Variants in COL6A3 observed in about 807,000 individuals in gnomAD.
COL6A3 encodes collagen type VI alpha 3 chain.
A neutral mutation model predicts 274.1 loss-of-function variants in COL6A3; 137 were observed. The observed-to-expected ratio is 0.50, with a 90% confidence interval of 0.44 to 0.58. The LOEUF is 0.58. Among genes scored for constraint, COL6A3 ranks in the 20% least tolerant of loss-of-function variants. The pLI is 0.00. For missense variants in COL6A3, 3,950 were observed against 4,124.9 expected, an observed-to-expected ratio of 0.96 and a Z score of 1.16; for synonymous variants, 1,650 against 1,650.6, an observed-to-expected ratio of 1.00 and a Z score of 0.01.
rs546417474 is a variant in COL6A3, at chr2:237,413,676, G to A, written c.-31+277C>T. On this transcript the variant is annotated intron_variant, in intron 1 of 43. Transcript: ENST00000295550. The surrounding 1 kb of genome is among the most constrained non-coding windows in gnomAD (Gnocchi z 4.0). ...CATGGGCCGAAACACACTGCCGCCC[G>A]GAATGCACAGGGCGCGTGTAGCAGC... Among the ~76,000 whole-genome samples, 12 of 152,182 alleles carry A rather than the reference G, an allele frequency of 7.9e-5. No homozygotes were observed. Among genetic ancestry groups the A allele is most frequent in the Non-Finnish European group, 1.2e-4 (8 of 68,038 alleles).
At chr2:237,352,488 G>A in intron 26 of COL6A3, 34 bp downstream of exon 26, 1 of 1,592,462 alleles carries the variant, frequency 6.3e-7, no homozygotes, top group Non-Finnish European at 8.6e-7. Flanking sequence ...CCTCTGTTCA[G>A]CTAGAGAGGG....
intron 38 of COL6A3, 98 bp downstream of exon 38, chr2:237,340,354 T>G (rs2076959148): frequency 4.4e-6 from 5 of 1,140,624 alleles, no homozygotes; most frequent in Non-Finnish European, 5.1e-6. Context: ...ACAGTTCCTG[T>G]CAACACATCG....
At chr2:237,405,595 C>T (rs1371930666) in intron 1 of COL6A3, among the ~76,000 whole-genome samples, 2 of 152,046 alleles carry the variant, frequency 1.3e-5, no homozygotes, top group South Asian at 4.1e-4. Flanking sequence ...CCCAACCATC[C>T]GATGGCTGAT....
At chr2:237,402,037 C>T (rs911678197) in intron 1 of COL6A3, among the ~76,000 whole-genome samples, 5 of 152,112 alleles carry the variant, frequency 3.3e-5, no homozygotes, top group African/African-American at 1.2e-4. Context: ...TATTATTCAG[C>T]TTTATAAAAG....
chr2:237,351,084 G>A, intron 27 of COL6A3, 46 bp downstream of exon 27: 2 of 1,585,250 alleles, frequency 1.3e-6, no homozygotes, highest in Non-Finnish European at 8.7e-7. Flanking sequence ...ATGTGTGCCT[G>A]GCTGGTCCCT....
intron 4 of COL6A3, 70 bp downstream of exon 4, chr2:237,387,512 C>T: frequency 6.2e-7 from 1 of 1,610,778 alleles, no homozygotes; most frequent in Non-Finnish European, 8.5e-7. Flanking sequence ...CTGGTACCCA[C>T]CTTACGTCTA....
chr2:237,350,237 C>A, intron 27 of COL6A3, 28 bp from the exon 28 acceptor site: 1 of 1,612,588 alleles, frequency 6.2e-7, no homozygotes, highest in East Asian at 2.2e-5. Context: ...GGCTGAGACC[C>A]TGTGGCCTGG....
rs762162177 is a variant in COL6A3 at position 237,379,067 on chromosome 2, G to A, written c.2066C>T (p.Thr689Met). 26 of 1,614,042 alleles carry A rather than the reference G, an allele frequency of 1.6e-5. No individual in the cohort carries two copies. Among genetic ancestry groups the A allele is most frequent in the Admixed American group, 1.5e-4 (9 of 60,010 alleles). Residue 689 changes from threonine to methionine, a missense_variant, in exon 6 of 44, where the codon ACG becomes ATG. Thr to Met is a moderately conservative substitution (Grantham distance 81, BLOSUM62 -1). Coordinates refer to ENST00000295550, the MANE Select transcript of COL6A3 (RefSeq NM_004369.4). ...CTGGTATGTGTTTAAAGAGAACTCC[G>A]TTACAGGAGTGTCACTAAATTGCAC... ...GLVQFSDTPV[T>M]EFSLNTYQTK...
In COL6A3 at chr2:237,381,980, T is replaced by C. The variant is rs150834645; in HGVS notation, c.1313-481A>G. ...TGCACATCCCTGTTCTCTTCAGTTC[T>C]ATATTCCCTGTCTTCATTTGACAGA... On this transcript the variant is annotated intron_variant, in intron 4 of 43. Transcript: ENST00000295550. Among the ~76,000 whole-genome samples the C allele has an allele frequency of 2.0e-3, 307 of 152,362 alleles. 1 individual carries two copies. Among genetic ancestry groups the C allele is most frequent in the African/African-American group, 7.1e-3 (294 of 41,592 alleles).
chr2:237,332,979 G>C, intron 42 of COL6A3: 1 of 247,326 alleles, frequency 4.0e-6, no homozygotes, highest in Non-Finnish European at 8.0e-6. Context: ...CACTAAGCTG[G>C]GGTGTGTGCT....
rs1700279058 is a variant in COL6A3, at chr2:237,332,098, T to TAAA, written c.9328+1351_9328+1352insTTT. 4.9e-5 allele frequency among the ~76,000 whole-genome samples: 2 copies of TAAA among 40,534 alleles called. 1 individual carries two copies. The highest frequency in any genetic ancestry group is 8.5e-5 in the Non-Finnish European group (2 of 23,474). The allele number at this position is 40,534 out of a possible 152,430, so 26.6% of individuals were successfully genotyped here. On this transcript the variant is annotated intron_variant, in intron 42 of 43. Transcript: ENST00000295550. ...ATATATATATATATATATATATATA[T>TAAA]ATATATATATATATATATATGAAAA...
chr2:237,409,927 T>C (rs1006955207), intron 1 of COL6A3, among the ~76,000 whole-genome samples: 1 of 152,208 alleles, frequency 6.6e-6, no homozygotes, highest in African/African-American at 2.4e-5. Context: ...CTGAATACCC[T>C]TGTAATGCAA....
Position 237,378,796 on chromosome 2 carries a change from GCT to G in COL6A3, c.2335_2336del (p.Ser779ProfsTer4). 6.2e-7 allele frequency: 1 copy of G among 1,614,182 alleles called. No individual in the cohort carries two copies. The highest frequency in any genetic ancestry group is 8.5e-7 in the Non-Finnish European group (1 of 1,180,026). ...AGILTFCVGASQANKAELEQI... is the reference protein window; with the variant it reads ...AGILTFCVGAXQANKAELEQI... Reference sequence around the variant, plus strand: ...GCTCAAGCTCTGCCTTATTCGCCTGGCTAGCTCCCACACAAAAAGTCAGGATG... The same window carrying G: ...GCTCAAGCTCTGCCTTATTCGCCTGGAGCTCCCACACAAAAAGTCAGGATG... On this transcript the variant is annotated frameshift_variant, in exon 6 of 44. Coordinates refer to ENST00000295550, the MANE Select transcript of COL6A3 (RefSeq NM_004369.4). LOFTEE classifies it high-confidence loss of function.
chr2:237,357,457 G>T, intron 22 of COL6A3, 66 bp from the exon 23 acceptor site: 2 of 1,401,802 alleles, frequency 1.4e-6, no homozygotes, highest in Non-Finnish European at 2.0e-6. Context: ...CTGAAATGCT[G>T]CACAAGACAT....
In COL6A3 at chr2:237,381,440, G is replaced by A; in HGVS notation, c.1372C>T (p.Leu458=). The A allele has an allele frequency of 6.2e-7, 1 of 1,611,166 alleles. No homozygotes were observed. The highest frequency in any genetic ancestry group is 1.6e-4 in the Middle Eastern group (1 of 6,062). Residue 458 remains leucine (L), a synonymous_variant, in exon 5 of 44, where the codon CTG becomes TTG. Coordinates refer to ENST00000295550, the MANE Select transcript of COL6A3 (RefSeq NM_004369.4). The stretch of plus-strand genomic sequence containing the variant: ...TCTCGGATGGCATTGAAGTTGGCCA[G>A]TCCCAGTGCAGATGAGCCATCCACC... ...FLVDGSSALG[L]ANFNAIRDFI... is the part of the protein sequence containing the mutation.
intron 23 of COL6A3, chr2:237,356,764 T>TA: frequency 6.1e-6 from 1 of 164,000 alleles, no homozygotes; most frequent in Admixed American, 5.8e-5. Context: ...TTTGGTTGGC[T>TA]TCAGAAAGAT....
chr2:237,374,994 G>A lies in COL6A3; in HGVS notation c.3097C>T (p.Leu1033=). 6.2e-7 allele frequency: 1 copy of A among 1,613,882 alleles called. No individual in the cohort carries two copies. ...CTGACGCCCTCAGAGCCATCAAGCA[G>A]AAACACCACGTCCTTTTCACCTGAA... ...PVSGEKDVVF[L]LDGSEGVRSG... The change falls in exon 8 of 44, where the codon CTG becomes TTG. Residue 1033 remains leucine (L), a synonymous_variant. Coordinates refer to ENST00000295550, the MANE Select transcript of COL6A3 (RefSeq NM_004369.4). This position sits in a 1 kb window ranked among gnomAD's most constrained non-coding sequence, Gnocchi z 4.8.
At chr2:237,366,139 G>C (rs867074687) in intron 11 of COL6A3, 104 bp from the exon 12 acceptor site, 10 of 927,802 alleles carry the variant, frequency 1.1e-5, no homozygotes, top group South Asian at 5.5e-5. Context: ...CCAGGGCATC[G>C]CACTCAAGTG....
chr2:237,331,775 A>G (rs2106307352), intron 42 of COL6A3, among the ~76,000 whole-genome samples: 1 of 151,666 alleles, frequency 6.6e-6, no homozygotes, highest in African/African-American at 2.4e-5. Context: ...GAAAACACAC[A>G]TATGCATGTG....
Sources: gnomAD v4.1 joint callset for allele counts (sites outside exome capture counted in the v4.1 genomes callset) on GRCh38, gnomAD v4.1.1 for gene constraint, Gnocchi (gnomAD v3.1) non-coding constraint, MANE v1.5 for transcripts, NCBI Gene and HGNC (gene_info 2026-07-23, HGNC 2026-07-21) for gene names.